TLL1: variants seen among roughly 807,000 people sequenced by gnomAD.
The protein encoded by TLL1 is tolloid like 1.
Under a neutral mutation model 128.2 loss-of-function variants are expected in TLL1, and 49 were observed. The observed-to-expected ratio is 0.38, with a 90% CI of 0.30 to 0.48. The LOEUF (loss-of-function observed/expected upper bound fraction) is 0.48, where lower values mean the gene tolerates loss of function less well. Ranked by LOEUF, TLL1 falls within the 20% of genes least tolerant of loss-of-function variation. TLL1 has a pLI of 0.96. For missense variants in TLL1, 1,123 were observed against 1,242.0 expected (o/e 0.90, Z 1.44); for synonymous variants, 454 against 418.8 (o/e 1.08, Z -1.03).
chr4:165,945,356 CTT>C (rs1734199565), intron 1 of TLL1, among the ~76,000 whole-genome samples: 1 of 152,056 alleles, frequency 6.6e-6, no homozygotes, highest in South Asian at 2.1e-4. Flanking sequence ...ATTAGGGACA[CTT>C]GGGATCAGGG....
intron 1 of TLL1, among the ~76,000 whole-genome samples, chr4:165,901,978 A>C (rs1228682876): frequency 2.0e-5 from 3 of 152,284 alleles, no homozygotes; most frequent in African/African-American, 7.2e-5. Context: ...GTCTGGTTAC[A>C]GTGGCTTTGC....
chr4:166,087,708 G>A (rs149097603), intron 18 of TLL1, among the ~76,000 whole-genome samples: 1 of 152,238 alleles, frequency 6.6e-6, no homozygotes, highest in African/African-American at 2.4e-5. Context: ...GCTATTGCCT[G>A]TATGTTCAAT....
chr4:166,012,287 G>A (rs1737731951), intron 7 of TLL1, among the ~76,000 whole-genome samples: 1 of 151,498 alleles, frequency 6.6e-6, no homozygotes, highest in South Asian at 2.1e-4. Context: ...TTGCTTACTT[G>A]TCAGGATATG....
At chr4:165,884,915 G>C (rs1422771874) in intron 1 of TLL1, among the ~76,000 whole-genome samples, 1 of 152,066 alleles carries the variant, frequency 6.6e-6, no homozygotes, top group Non-Finnish European at 1.5e-5. Context: ...TTATTTGGTA[G>C]AGCACAATTC....
At chr4:165,981,956 CAG>C (rs1743881679) in intron 1 of TLL1, among the ~76,000 whole-genome samples, 1 of 152,008 alleles carries the variant, frequency 6.6e-6, no homozygotes, top group African/African-American at 2.4e-5. Context: ...GATGGATCAT[CAG>C]CATGATTTCA....
At chr4:165,892,037 G>A (rs749810795) in intron 1 of TLL1, among the ~76,000 whole-genome samples, 45 of 152,214 alleles carry the variant, frequency 3.0e-4, no homozygotes, top group African/African-American at 9.9e-4. Flanking sequence ...CTACAATCAC[G>A]GTGGAATGGG....
chr4:166,003,690 CA>C, intron 6 of TLL1, 121 bp downstream of exon 6: 1 of 1,040,938 alleles, frequency 9.6e-7, no homozygotes, highest in South Asian at 1.4e-5. Flanking sequence ...GATAGAGTAA[CA>C]TTTTGCTTGA....
At chr4:165,925,012 A>C (rs1366613307) in intron 1 of TLL1, among the ~76,000 whole-genome samples, 4 of 152,220 alleles carry the variant, frequency 2.6e-5, no homozygotes, top group African/African-American at 9.7e-5. Flanking sequence ...CTCCAAAAAA[A>C]AGATTCTTTT....
chr4:165,976,870 A>G (rs1003017291), intron 1 of TLL1, among the ~76,000 whole-genome samples: 2 of 152,210 alleles, frequency 1.3e-5, no homozygotes, highest in Admixed American at 1.3e-4. Flanking sequence ...ATGCAGCCCA[A>G]CACAAAATCG....
intron 1 of TLL1, among the ~76,000 whole-genome samples, chr4:165,911,915 G>C (rs191894901): frequency 6.6e-6 from 1 of 151,912 alleles, no homozygotes; most frequent in Non-Finnish European, 1.5e-5. Context: ...TCGCTCTGTC[G>C]CCTAGGCTGG....
In TLL1 at chr4:166,014,623, G is replaced by A. The variant is rs533762174; in HGVS notation, c.1042+63G>A. ...TGATTGTGCTCTTCCAGATGAATAA[G>A]CCATGATTTACTCAACTGTTTGTTT... On this transcript the variant is annotated intron_variant, in intron 8 of 20. Transcript: ENST00000061240. The A allele has an allele frequency of 2.5e-6, 4 of 1,600,640 alleles. No homozygotes were observed. The East Asian group carries it at 9.0e-5, about 36-fold the overall frequency.
chr4:166,074,111 T>C lies in TLL1; in HGVS notation c.2189-767T>C, dbSNP rs143514475. 4.2e-3 allele frequency among the ~76,000 whole-genome samples: 635 copies of C among 152,162 alleles called. 7 individuals are homozygous for C. Among genetic ancestry groups the C allele is most frequent in the African/African-American group, 0.015 (603 of 41,534 alleles). ...TAATCTAGTTTGGCTTTTTTCCCTG[T>C]AGTGAATTTGTTGGCTATTTCTTGG... is the stretch of plus-strand genomic sequence containing the variant. On this transcript the variant is annotated intron_variant, in intron 16 of 20. Transcript: ENST00000061240.
At chr4:166,055,434 G>C (rs1052543843) in intron 13 of TLL1, among the ~76,000 whole-genome samples, 163 bp downstream of exon 13, 1 of 152,076 alleles carries the variant, frequency 6.6e-6, no homozygotes, top group African/African-American at 2.4e-5. Context: ...TAAAATACTA[G>C]AGTTTAGAAC....
chr4:166,071,504 T>G (rs1441652610), intron 16 of TLL1, among the ~76,000 whole-genome samples: 1 of 151,962 alleles, frequency 6.6e-6, no homozygotes, highest in Non-Finnish European at 1.5e-5. Flanking sequence ...GTAAAACACT[T>G]TTTTTCTTCA....
chr4:166,082,464 A>T (rs1402448199), intron 18 of TLL1, among the ~76,000 whole-genome samples: 1 of 152,108 alleles, frequency 6.6e-6, no homozygotes, highest in East Asian at 1.9e-4. Context: ...ATCTAGTGTT[A>T]TCTACTTTAA....
intron 1 of TLL1, among the ~76,000 whole-genome samples, chr4:165,929,552 A>AG (rs34077751): frequency 2.0e-5 from 3 of 151,668 alleles, no homozygotes; most frequent in East Asian, 1.9e-4. Flanking sequence ...AAAAAAAAAA[A>AG]GTAGATAAAT....
chr4:166,023,651 C>T (rs1738348371), intron 8 of TLL1, among the ~76,000 whole-genome samples: 1 of 152,190 alleles, frequency 6.6e-6, no homozygotes. Context: ...ATTACCACAA[C>T]TTGAATATAC....
At chr4:165,975,542 C>T (rs1352171590) in intron 1 of TLL1, among the ~76,000 whole-genome samples, 6 of 152,236 alleles carry the variant, frequency 3.9e-5, no homozygotes, top group South Asian at 2.1e-4. Context: ...TCTTCCAGCT[C>T]ATTTTATAAG....
rs187070891 is a variant in TLL1, at chr4:166,080,994, G to C, written c.2442+2964G>C. The stretch of plus-strand genomic sequence containing the variant: ...AGGGGTTCTTTATTATTTCAGTACA[G>C]ACTCCACCTTAGGCAGGCCCTGCAT... On this transcript the variant is annotated intron_variant, in intron 18 of 20. Coordinates refer to ENST00000061240, the MANE Select transcript of TLL1 (RefSeq NM_012464.5). Among the ~76,000 whole-genome samples the C allele has an allele frequency of 1.5e-3, 231 of 152,116 alleles. 1 individual carries two copies. The highest frequency in any genetic ancestry group is 5.3e-3 in the African/African-American group (218 of 41,498).
Sources: gnomAD v4.1 joint callset for allele counts (sites outside exome capture counted in the v4.1 genomes callset) on GRCh38, gnomAD v4.1.1 for gene constraint, MANE v1.5 for transcripts, NCBI Gene and HGNC (gene_info 2026-07-23, HGNC 2026-07-21) for gene names.